TTC34: variants seen among roughly 807,000 people sequenced by gnomAD.
TTC34 encodes tetratricopeptide repeat protein 34.
Under a neutral mutation model 40.7 loss-of-function variants are expected in TTC34, and 44 were observed. The observed-to-expected ratio is 1.08, with a 90% CI of 0.85 to 1.39. The LOEUF is 1.39. TTC34 is among the 40% of genes most tolerant of loss of function. TTC34 has a pLI of 0.00. For synonymous variants in TTC34, 422 were observed against 398.6 expected, an observed-to-expected ratio of 1.06 and a Z score of -0.70; for missense variants, 884 against 838.0, an observed-to-expected ratio of 1.05 and a Z score of -0.68.
intron 5 of TTC34, among the ~76,000 whole-genome samples, chr1:2,784,605 T>C (rs898533466): frequency 6.6e-6 from 1 of 152,214 alleles, no homozygotes; most frequent in African/African-American, 2.4e-5. Flanking sequence ...GCAGCCCTTA[T>C]GCGGGTGTGA....
chr1:2,787,155 G>A (rs1350498140), intron 4 of TTC34, among the ~76,000 whole-genome samples: 5 of 152,214 alleles, frequency 3.3e-5, no homozygotes, highest in African/African-American at 7.2e-5. Context: ...AGAGAAGCTC[G>A]GCCTGCAGTC....
Position 2,752,203 on chromosome 1 carries a change from C to A in TTC34, c.2226+31406G>T, listed in dbSNP as rs1354144026. On this transcript the variant is annotated intron_variant, in intron 6 of 8. Coordinates refer to ENST00000401095, the Ensembl canonical transcript of TTC34. ...GAGCATCTGACAGCCTGGAACAGAACCCACACCCCCAGGTGAGCATCTGAC... is the reference window on the plus strand; with the variant it reads ...GAGCATCTGACAGCCTGGAACAGAAACCACACCCCCAGGTGAGCATCTGAC... Among the ~76,000 whole-genome samples, 140 of 118,802 alleles carry A rather than the reference C, an allele frequency of 1.2e-3. 14 individuals are homozygous for A. Among genetic ancestry groups the A allele is most frequent in the African/African-American group, 5.0e-3 (133 of 26,702 alleles). The allele number at this position is 118,802 out of a possible 152,430, so 77.9% of individuals were successfully genotyped here. A position where few individuals can be genotyped will look rare whatever the true frequency, so the allele number is the denominator to read the frequency against.
chr1:2,751,942 A>C (rs1641334241), intron 6 of TTC34, among the ~76,000 whole-genome samples: 1 of 114,854 alleles, frequency 8.7e-6, no homozygotes, highest in Non-Finnish European at 1.7e-5. Flanking sequence ...ACAGGTGAAC[A>C]TCGGAGAGTC....
In TTC34 at chr1:2,790,072, CG is replaced by C. The variant is rs1569970100; in HGVS notation, c.1058del (p.Pro353ArgfsTer2). The C allele has an allele frequency of 1.8e-5, 7 of 397,848 alleles. No individual in the cohort carries two copies. The highest frequency in any genetic ancestry group is 2.7e-5 in the Non-Finnish European group (6 of 225,584). The allele number at this position is 397,848 out of a possible 1,614,324, so 24.6% of individuals were successfully genotyped here. On this transcript the variant is annotated frameshift_variant, in exon 3 of 9. Transcript: ENST00000401095. LOFTEE classifies it high-confidence loss of function. ...GCAGGACGCGGAGCGCGCGGGTTAC[CG>C]GGGCCAGCAGCTCGCGGCCCGCATC...
chr1:2,778,691 C>T (rs927239403), intron 6 of TTC34, among the ~76,000 whole-genome samples: 9 of 152,188 alleles, frequency 5.9e-5, no homozygotes, highest in Non-Finnish European at 8.8e-5. Context: ...CCTCTGATCC[C>T]CAGGAGGGGC....
intron 6 of TTC34, among the ~76,000 whole-genome samples, chr1:2,646,035 G>C (rs769241829): frequency 5.9e-5 from 9 of 152,220 alleles, no homozygotes; most frequent in East Asian, 1.9e-4. Context: ...TGGGGACGCC[G>C]GAAGGGTAGA....
chr1:2,688,483 C>G (rs1442196046), intron 6 of TTC34, among the ~76,000 whole-genome samples: 1 of 123,002 alleles, frequency 8.1e-6, no homozygotes, highest in East Asian at 2.4e-4. Context: ...TGGAGCAGCA[C>G]CCCACACCCA....
chr1:2,756,634 T>C (rs1286284985), intron 6 of TTC34, among the ~76,000 whole-genome samples: 43 of 115,442 alleles, frequency 3.7e-4, no homozygotes, highest in Middle Eastern at 4.4e-3. Flanking sequence ...CACCCCCAGG[T>C]GAGCATCTGA....
Position 2,694,628 on chromosome 1 carries a change from C to T in TTC34, c.2227-49065G>A, listed in dbSNP as rs866927292. 7.1e-5 allele frequency among the ~76,000 whole-genome samples: 6 copies of T among 84,690 alleles called. 3 individuals are homozygous for T. The highest frequency in any genetic ancestry group is 1.8e-4 in the Non-Finnish European group (6 of 34,230). The allele number at this position is 84,690 out of a possible 152,430, so 55.6% of individuals were successfully genotyped here. A position where few individuals can be genotyped will look rare whatever the true frequency, so the allele number is the denominator to read the frequency against. ...ATCTGAAACCACGGAGCAGCACCCA[C>T]ACCTCCCGGCGAGCATCTGACGGCC... On this transcript the variant is annotated intron_variant, in intron 6 of 8. Transcript: ENST00000401095.
chr1:2,654,657 AGGT>A (rs1639276500), intron 6 of TTC34, among the ~76,000 whole-genome samples: 1 of 149,980 alleles, frequency 6.7e-6, no homozygotes, highest in Non-Finnish European at 1.5e-5. Context: ...CCACACCCCC[AGGT>A]GAGTATCTGA....
chr1:2,785,386 G>A (rs1386489144), intron 5 of TTC34, among the ~76,000 whole-genome samples: 1 of 152,208 alleles, frequency 6.6e-6, no homozygotes, highest in South Asian at 2.1e-4. Context: ...ACTGACTCCA[G>A]GAAGCAGGCA....
rs1416090404 is a variant in TTC34 at position 2,752,856 on chromosome 1, C to A, written c.2226+30753G>T. Among the ~76,000 whole-genome samples, 506 of 146,670 alleles carry A rather than the reference C, an allele frequency of 3.4e-3. 20 individuals are homozygous for A. The highest frequency in any genetic ancestry group is 3.5e-3 in the Non-Finnish European group (233 of 66,100). Reference sequence around the variant, plus strand: ...GACAGACTGGAACAGCACCCACACACCCAGGCGAGCATCTGATGGCCTGGA... The same window carrying A: ...GACAGACTGGAACAGCACCCACACAACCAGGCGAGCATCTGATGGCCTGGA... On this transcript the variant is annotated intron_variant, in intron 6 of 8. Coordinates refer to ENST00000401095, the Ensembl canonical transcript of TTC34.
chr1:2,797,306 G>T (rs997314647), intron 2 of TTC34, among the ~76,000 whole-genome samples: 1 of 152,058 alleles, frequency 6.6e-6, no homozygotes, highest in African/African-American at 2.4e-5. Flanking sequence ...GGCCTGGGAT[G>T]GGGGCTGGGG....
At position 2,761,064 on chromosome 1, in the gene TTC34, G is replaced by C. The variant is rs1186324620; in HGVS notation, c.2226+22545C>G. 2.8e-5 allele frequency among the ~76,000 whole-genome samples: 2 copies of C among 71,956 alleles called. 1 individual carries two copies. Among genetic ancestry groups the C allele is most frequent in the African/African-American group, 2.3e-4 (2 of 8,722 alleles). The allele number at this position is 71,956 out of a possible 152,430, so 47.2% of individuals were successfully genotyped here. ...CACAGTCCCAGGTGAGCATCCGAGA[G>C]CGTGGAGCAGCATCCTCACCCCAGG... On this transcript the variant is annotated intron_variant, in intron 6 of 8. Coordinates refer to ENST00000401095, the Ensembl canonical transcript of TTC34.
intron 6 of TTC34, among the ~76,000 whole-genome samples, chr1:2,752,073 C>G (rs1473944885): frequency 1.4e-5 from 1 of 73,840 alleles, no homozygotes; most frequent in South Asian, 5.7e-4. Flanking sequence ...TCTGAACGCA[C>G]GGAGCAGCAC....
intron 3 of TTC34, 22 bp downstream of exon 3, chr1:2,789,481 G>A (rs1296986407): frequency 6.6e-7 from 1 of 1,504,706 alleles, no homozygotes; most frequent in Non-Finnish European, 8.8e-7. Context: ...AGCGGCCCCA[G>A]CGTGCCCGGG....
chr1:2,780,052 T>G (rs145135100), intron 6 of TTC34, among the ~76,000 whole-genome samples: 165 of 152,290 alleles, frequency 1.1e-3, no homozygotes, highest in Middle Eastern at 3.4e-3. Flanking sequence ...AAGCGGAAGT[T>G]GCAGTGAGCT....
chr1:2,764,707 G>C, intron 6 of TTC34, among the ~76,000 whole-genome samples: 1 of 111,514 alleles, frequency 9.0e-6, no homozygotes. Flanking sequence ...CACACCCCCA[G>C]GTGAGCATGT....
exon 9 of TTC34, chr1:2,641,317 G>A: frequency 6.9e-7 from 1 of 1,448,486 alleles, no homozygotes; most frequent in Non-Finnish European, 9.1e-7. Flanking sequence ...GACATCAGGT[G>A]CAGATGCTAG....
Sources: allele counts gnomAD v4.1 joint callset (sites outside exome capture counted in the v4.1 genomes callset), GRCh38; gene constraint gnomAD v4.1.1; transcripts MANE v1.5; gene names NCBI Gene and HGNC (gene_info 2026-07-23, HGNC 2026-07-21).